SNX14: variants seen among roughly 807,000 people sequenced by gnomAD.
SNX14 encodes sorting nexin 14.
Under a neutral mutation model 133.8 loss-of-function variants are expected in SNX14, and 93 were observed. That is an observed-to-expected ratio of 0.70 (90% confidence interval 0.59 to 0.83). The LOEUF (loss-of-function observed/expected upper bound fraction) is 0.83. Ranked by LOEUF, SNX14 falls within the 40% of genes least tolerant of loss-of-function variation. The pLI is 0.00. For missense variants in SNX14, 945 were observed against 1,094.9 expected, an observed-to-expected ratio of 0.86 and a Z score of 1.93; for synonymous variants, 368 against 365.6, an observed-to-expected ratio of 1.01 and a Z score of -0.07.
chr6:85,546,753 G>A lies in SNX14; in HGVS notation c.1108+359C>T, dbSNP rs571967052. Among the ~76,000 whole-genome samples, 11 of 151,946 alleles carry A rather than the reference G, an allele frequency of 7.2e-5. No homozygotes were observed. The South Asian group carries it at 1.0e-3, about 14-fold the overall frequency. On this transcript the variant is annotated intron_variant, in intron 12 of 28. Coordinates refer to ENST00000314673, the MANE Select transcript of SNX14 (RefSeq NM_153816.6). ...CGAGGTGGGTGGATCACCTGAGGTC[G>A]GGAATTCAAGACCAGCCTGACCAAC...
intron 1 of SNX14, among the ~76,000 whole-genome samples, chr6:85,587,024 T>A (rs1801103557): frequency 6.6e-6 from 1 of 151,850 alleles, no homozygotes; most frequent in African/African-American, 2.4e-5. Flanking sequence ...CCAGCCTAGG[T>A]GACAAAGTGA....
At chr6:85,534,518 G>A (rs1404564422) in intron 17 of SNX14, among the ~76,000 whole-genome samples, 3 of 152,130 alleles carry the variant, frequency 2.0e-5, no homozygotes, top group Non-Finnish European at 4.4e-5. Context: ...TTAAACATTA[G>A]TTTGCCTGCT....
chr6:85,541,503 T>A (rs916099849), intron 15 of SNX14, among the ~76,000 whole-genome samples: 1 of 152,218 alleles, frequency 6.6e-6, no homozygotes, highest in African/African-American at 2.4e-5. Context: ...AGAACACTAA[T>A]TATCCAGTTT....
intron 4 of SNX14, among the ~76,000 whole-genome samples, chr6:85,569,946 C>CTTTCCTT (rs1317162632): frequency 6.6e-6 from 1 of 152,220 alleles, no homozygotes; most frequent in Non-Finnish European, 1.5e-5. Context: ...TCAAGCCTCT[C>CTTTCCTT]TTTCCTTTTG....
rs535802771 is a variant in SNX14 at position 85,538,638 on chromosome 6, G to A, written c.1475+200C>T. On this transcript the variant is annotated intron_variant, in intron 16 of 28. Coordinates refer to ENST00000314673, the MANE Select transcript of SNX14 (RefSeq NM_153816.6). Reference sequence around the variant, plus strand: ...ATCAGGACATTTTTATTTTATGATGGCATATCATGCTATTTCAAAAAGGAG... The same window carrying A: ...ATCAGGACATTTTTATTTTATGATGACATATCATGCTATTTCAAAAAGGAG... 1.1e-4 allele frequency among the ~76,000 whole-genome samples: 17 copies of A among 152,170 alleles called. No homozygotes were observed. In the South Asian group the frequency reaches 2.3e-3, roughly 20 times the overall value.
In SNX14 at chr6:85,506,008, A is replaced by C. The variant is rs760726532; in HGVS notation, c.2803-3T>G. The stretch of plus-strand genomic sequence containing the variant: ...ACAGAGGTAACTTCCTTTTGTACCT[A>C]AAGTAAAAATAAATCCATTTAATAG... On this transcript the variant is annotated splice_region_variant and splice_polypyrimidine_tract_variant and intron_variant, in intron 28 of 28. Coordinates refer to ENST00000314673, the MANE Select transcript of SNX14 (RefSeq NM_153816.6). The C allele has an allele frequency of 1.3e-6, 2 of 1,580,154 alleles. No individual in the cohort carries two copies. Among genetic ancestry groups the C allele is most frequent in the Admixed American group, 3.3e-5 (2 of 59,902 alleles).
At chr6:85,506,562 C>A (rs1342628133) in intron 28 of SNX14, among the ~76,000 whole-genome samples, 2 of 152,156 alleles carry the variant, frequency 1.3e-5, no homozygotes, top group African/African-American at 2.4e-5. Context: ...GTGATCCCCC[C>A]GCCTTGGCCT....
chr6:85,562,812 G>A (rs976611836), intron 6 of SNX14, among the ~76,000 whole-genome samples: 5 of 151,818 alleles, frequency 3.3e-5, no homozygotes, highest in Admixed American at 6.6e-5. Context: ...GGCTGATCTC[G>A]AACTCCCGAC....
In SNX14 at chr6:85,530,672, A is replaced by G. The variant is rs554864730; in HGVS notation, c.1811-397T>C. On this transcript the variant is annotated intron_variant, in intron 18 of 28. Transcript: ENST00000314673. ...AAAAAAAAAAAAAGAAAGAAAAAGA[A>G]AAAAGAATACAAAGCTGGACATTAT... 1.1e-3 allele frequency among the ~76,000 whole-genome samples: 171 copies of G among 152,104 alleles called. 3 individuals are homozygous for G. The highest frequency in any genetic ancestry group is 4.0e-3 in the African/African-American group (165 of 41,536).
At chr6:85,563,878 A>G (rs1038947275) in intron 6 of SNX14, among the ~76,000 whole-genome samples, 1 of 152,002 alleles carries the variant, frequency 6.6e-6, no homozygotes, top group East Asian at 1.9e-4. Context: ...CCCGTTAACT[A>G]GTCATTTACA....
intron 26 of SNX14, chr6:85,508,506 G>T: frequency 2.5e-6 from 1 of 404,084 alleles, no homozygotes; most frequent in Non-Finnish European, 3.3e-6. Context: ...CTACCCAGTG[G>T]GCAGAAGATA....
In SNX14 at chr6:85,528,287, C is replaced by T; in HGVS notation, c.1970G>A (p.Arg657Lys). The change falls in exon 20 of 29, where the codon AGG (arginine) becomes AAG (lysine). Residue 657 changes from arginine (R) to lysine (K), a missense_variant. Around this residue, in one of 3 missense-constraint regions of SNX14, gnomAD observed 412 missense variants for 516.6 expected, o/e 0.80. Transcript: ENST00000314673. ...CTGTAGATATTCTTGGAACTCTTCC[C>T]TCTTTGACTTTAAGAATTCATAATT... ...PKNYEFLKSK[R>K]EEFQEYLQKL... 1.9e-6 allele frequency: 3 copies of T among 1,613,010 alleles called. No homozygotes were observed. Among genetic ancestry groups the T allele is most frequent in the Non-Finnish European group, 1.7e-6 (2 of 1,179,360 alleles).
intron 13 of SNX14, 24 bp from the exon 14 acceptor site, chr6:85,543,330 A>G: frequency 5.9e-6 from 9 of 1,537,290 alleles, no homozygotes; most frequent in Non-Finnish European, 7.0e-6. Flanking sequence ...TCTACTGTAG[A>G]AATTATTTAT....
chr6:85,568,445 T>C (rs1265158611), intron 4 of SNX14: 1 of 152,284 alleles, frequency 6.6e-6, no homozygotes, highest in Admixed American at 6.5e-5. Flanking sequence ...ATCTGAATGC[T>C]GGTTACACAC....
Position 85,523,949 on chromosome 6 carries a change from T to C in SNX14, c.2107+2177A>G, listed in dbSNP as rs16876352. On this transcript the variant is annotated intron_variant, in intron 21 of 28. Coordinates refer to ENST00000314673, the MANE Select transcript of SNX14 (RefSeq NM_153816.6). Reference sequence around the variant, plus strand: ...AGGTACAACTAAAGGTCAGACTACATTTAGGCAGGCAGATCACGAGGTCAA... The same window carrying C: ...AGGTACAACTAAAGGTCAGACTACACTTAGGCAGGCAGATCACGAGGTCAA... Among the ~76,000 whole-genome samples the C allele has an allele frequency of 3.3e-3, 506 of 152,210 alleles. 28 individuals carry two copies. The East Asian group carries it at 0.083, about 25-fold the overall frequency.
At chr6:85,540,996 CT>C (rs748469763) in intron 15 of SNX14, among the ~76,000 whole-genome samples, 800 of 138,040 alleles carry the variant, frequency 5.8e-3, no homozygotes, top group Non-Finnish European at 7.3e-3. Context: ...AGTTTCTTAA[CT>C]TTTTTTTTTT....
At chr6:85,515,225 C>T (rs893757896) in intron 23 of SNX14, among the ~76,000 whole-genome samples, 2 of 144,784 alleles carry the variant, frequency 1.4e-5, no homozygotes, top group African/African-American at 5.3e-5. Flanking sequence ...CGAAATCGTG[C>T]CACTGCACTC....
intron 21 of SNX14, among the ~76,000 whole-genome samples, chr6:85,519,053 T>C (rs1775973718): frequency 6.6e-6 from 1 of 152,218 alleles, no homozygotes; most frequent in Non-Finnish European, 1.5e-5. Context: ...ACAGCATTCA[T>C]CCAGTTATTT....
At chr6:85,562,641 G>A (rs1792085134) in intron 6 of SNX14, among the ~76,000 whole-genome samples, 1 of 124,428 alleles carries the variant, frequency 8.0e-6, no homozygotes, top group African/African-American at 3.3e-5. Flanking sequence ...AGCACTTGAA[G>A]TGCAGTGGTG....
Sources: allele counts gnomAD v4.1 joint callset (sites outside exome capture counted in the v4.1 genomes callset), GRCh38; gene constraint gnomAD v4.1.1; regional missense constraint gnomAD v4.1.1; transcripts MANE v1.5; gene names NCBI Gene and HGNC (gene_info 2026-07-23, HGNC 2026-07-21).